ATP10B: variants seen among roughly 807,000 people sequenced by gnomAD.
ATP10B encodes the protein ATPase phospholipid transporting 10B (putative).
A neutral mutation model predicts 141.2 loss-of-function variants in ATP10B; 122 were observed. The observed-to-expected ratio is 0.86, with a 90% CI of 0.75 to 1.00. ATP10B has a LOEUF of 1.00. Ranked by LOEUF, ATP10B falls within the 50% of genes least tolerant of loss-of-function variation. ATP10B has a pLI of 0.00. For missense variants in ATP10B, 1,876 were observed against 1,825.3 expected, an observed-to-expected ratio of 1.03 and a Z score of -0.51; for synonymous variants, 685 against 692.0, an observed-to-expected ratio of 0.99 and a Z score of 0.16.
the ATP10B span, among the ~76,000 whole-genome samples, chr5:160,880,613 C>T: frequency 6.6e-6 from 1 of 152,124 alleles, no homozygotes; most frequent in South Asian, 2.1e-4. Flanking sequence ...GTGGAGAGAC[C>T]AGAAATAGAA....
rs564889810 is a variant in ATP10B at position 160,766,807 on chromosome 5, T to G, written c.-331+18752A>C. ...ATAATCATCCCTTAAGTTAAAAGAA[T>G]TAGCTTTAGAAAAAAAATATTACGT... On this transcript the variant is annotated intron_variant, in intron 2 of 25. Coordinates refer to ENST00000327245, the MANE Select transcript of ATP10B (RefSeq NM_025153.3). 5.3e-5 allele frequency among the ~76,000 whole-genome samples: 8 copies of G among 152,340 alleles called. No individual in the cohort carries two copies. The South Asian group carries it at 1.7e-3, about 32-fold the overall frequency.
chr5:160,601,569 T>C (rs981427683), intron 21 of ATP10B, among the ~76,000 whole-genome samples: 1 of 152,216 alleles, frequency 6.6e-6, no homozygotes. Flanking sequence ...TTGGTATGTG[T>C]TTGCTTTAGG....
At chr5:160,583,809 G>A (rs764981251) in intron 24 of ATP10B, among the ~76,000 whole-genome samples, 3 of 152,188 alleles carry the variant, frequency 2.0e-5, no homozygotes, top group Non-Finnish European at 4.4e-5. Context: ...CGAATTTCCT[G>A]GTGGCTTTGT....
At chr5:160,865,530 T>C in the ATP10B span, among the ~76,000 whole-genome samples, 228 of 152,108 alleles carry the variant, frequency 1.5e-3, 1 homozygote, top group Admixed American at 6.9e-3. Context: ...AATGCATGAC[T>C]AAGAACCCAA....
At chr5:160,717,320 C>T (rs1267898580) in intron 2 of ATP10B, among the ~76,000 whole-genome samples, 2 of 152,102 alleles carry the variant, frequency 1.3e-5, no homozygotes, top group African/African-American at 4.8e-5. Flanking sequence ...ATATAATGTT[C>T]AAATTTGATT....
intron 1 of ATP10B, among the ~76,000 whole-genome samples, chr5:160,832,751 G>T (rs1271804983): frequency 6.6e-6 from 1 of 150,912 alleles, no homozygotes; most frequent in Non-Finnish European, 1.5e-5. Context: ...GATAAACAGA[G>T]AGAGAGAAGC....
intron 1 of ATP10B, among the ~76,000 whole-genome samples, chr5:160,835,005 AG>A (rs1284259804): frequency 6.6e-6 from 1 of 152,122 alleles, no homozygotes; most frequent in Admixed American, 6.6e-5. Flanking sequence ...CTGAGAATTC[AG>A]GTTTTTCTGG....
intron 19 of ATP10B, among the ~76,000 whole-genome samples, chr5:160,606,346 T>C (rs1581190167): frequency 6.6e-6 from 1 of 152,080 alleles, no homozygotes; most frequent in South Asian, 2.1e-4. Context: ...CTTTAAAATC[T>C]CCCCACCAGC....
chr5:160,661,747 A>G (rs980162156), intron 7 of ATP10B, among the ~76,000 whole-genome samples: 1 of 152,212 alleles, frequency 6.6e-6, no homozygotes, highest in Non-Finnish European at 1.5e-5. Flanking sequence ...CAAGACAGGG[A>G]TGCCCTCTCT....
intron 1 of ATP10B, among the ~76,000 whole-genome samples, chr5:160,809,760 C>T (rs543407628): frequency 2.0e-5 from 3 of 152,260 alleles, no homozygotes; most frequent in East Asian, 1.9e-4. Context: ...CACAGTTTAA[C>T]AGTGATGTTA....
intron 1 of ATP10B, among the ~76,000 whole-genome samples, chr5:160,824,795 G>A (rs753777898): frequency 5.3e-5 from 8 of 152,100 alleles, no homozygotes; most frequent in Non-Finnish European, 1.0e-4. Context: ...ACATTGTTAT[G>A]CAATGCATGA....
intron 1 of ATP10B, among the ~76,000 whole-genome samples, chr5:160,819,188 G>C (rs1773917384): frequency 6.6e-6 from 1 of 151,874 alleles, no homozygotes; most frequent in South Asian, 2.1e-4. Context: ...CAAGATAAAA[G>C]AAACAAATCA....
chr5:160,832,285 A>G (rs1274044801), intron 1 of ATP10B, among the ~76,000 whole-genome samples: 1 of 152,170 alleles, frequency 6.6e-6, no homozygotes, highest in African/African-American at 2.4e-5. Context: ...CAGTATTTGT[A>G]GTATTATGTA....
At chr5:160,856,405 T>C (rs781369662), upstream of ATP10B, among the ~76,000 whole-genome samples, 4 of 151,886 alleles carry the variant, frequency 2.6e-5, no homozygotes, top group Admixed American at 6.6e-5. Context: ...GAGTATATTG[T>C]AGATTCCTTG....
intron 2 of ATP10B, among the ~76,000 whole-genome samples, chr5:160,752,021 C>A (rs1039886473): frequency 8.6e-5 from 13 of 152,012 alleles, no homozygotes; most frequent in Admixed American, 7.9e-4. Flanking sequence ...AAGACGGCTG[C>A]GGCTGCTCAT....
chr5:160,582,541 G>T (rs1755622144), intron 24 of ATP10B, among the ~76,000 whole-genome samples: 1 of 152,118 alleles, frequency 6.6e-6, no homozygotes, highest in Non-Finnish European at 1.5e-5. Flanking sequence ...TCTTTGTGGG[G>T]AACCCGACCT....
intron 22 of ATP10B, among the ~76,000 whole-genome samples, chr5:160,593,376 A>G (rs1232863558): frequency 6.6e-6 from 1 of 152,220 alleles, no homozygotes; most frequent in Non-Finnish European, 1.5e-5. Context: ...TAGAAGGAAA[A>G]CTAACAAATA....
At chr5:160,816,070 A>G (rs2127954315) in intron 1 of ATP10B, among the ~76,000 whole-genome samples, 1 of 152,106 alleles carries the variant, frequency 6.6e-6, no homozygotes, top group South Asian at 2.1e-4. Flanking sequence ...TGAAAGATCT[A>G]AAATTGACAC....
intron 24 of ATP10B, among the ~76,000 whole-genome samples, chr5:160,584,598 CTG>C (rs1190558180): frequency 6.6e-6 from 1 of 152,078 alleles, no homozygotes; most frequent in Non-Finnish European, 1.5e-5. Flanking sequence ...ACTAAAAAAA[CTG>C]AACTCTTATG....
Sources: gnomAD v4.1 joint callset for allele counts (sites outside exome capture counted in the v4.1 genomes callset) on GRCh38, gnomAD v4.1.1 for gene constraint, MANE v1.5 for transcripts, NCBI Gene and HGNC (gene_info 2026-07-23, HGNC 2026-07-21) for gene names.